Variants in FSIP1 observed in about 807,000 individuals in gnomAD.
FSIP1 encodes fibrous sheath interacting protein 1.
Under a neutral mutation model 60.9 loss-of-function variants are expected in FSIP1, and 65 were observed. The observed-to-expected ratio is 1.07, with a 90% CI of 0.87 to 1.31. FSIP1 has a LOEUF of 1.31. FSIP1 is among the 40% of genes most tolerant of loss of function. The probability of loss-of-function intolerance (pLI) is 0.00; values close to 1 mark genes in which losing one functional copy is unlikely to be tolerated. For synonymous variants in FSIP1, 209 were observed against 221.2 expected (o/e 0.94, Z 0.49); for missense variants, 675 against 665.5 (o/e 1.01, Z -0.16).
At chr15:39,706,790 T>C (rs758769286) in intron 10 of FSIP1, among the ~76,000 whole-genome samples, 8 of 152,218 alleles carry the variant, frequency 5.3e-5, no homozygotes, top group Non-Finnish European at 1.2e-4. Flanking sequence ...TTGGTATATG[T>C]ATATTGTTCC....
At chr15:39,660,882 G>A (rs1041689551) in intron 10 of FSIP1, among the ~76,000 whole-genome samples, 4 of 152,058 alleles carry the variant, frequency 2.6e-5, no homozygotes, top group African/African-American at 9.7e-5. Flanking sequence ...GGTCAAAATG[G>A]TGAAACCCCA....
At chr15:39,687,539 T>C (rs1894433043) in intron 10 of FSIP1, among the ~76,000 whole-genome samples, 1 of 152,216 alleles carries the variant, frequency 6.6e-6, no homozygotes, top group South Asian at 2.1e-4. Context: ...CTTGCAGAGT[T>C]GGTCCCTACC....
chr15:39,626,590 T>A (rs1891648627), intron 10 of FSIP1, among the ~76,000 whole-genome samples: 1 of 152,038 alleles, frequency 6.6e-6, no homozygotes, highest in Non-Finnish European at 1.5e-5. Context: ...ACAGGGGTGG[T>A]TTCCCCCATG....
chr15:39,637,322 G>A (rs566872387), intron 10 of FSIP1, among the ~76,000 whole-genome samples: 5 of 152,294 alleles, frequency 3.3e-5, no homozygotes, highest in South Asian at 2.1e-4. Context: ...TAATTGAAAC[G>A]ATGGTGGATA....
chr15:39,684,214 C>T lies in FSIP1; in HGVS notation c.1188+29230G>A, dbSNP rs113245061. On this transcript the variant is annotated intron_variant, in intron 10 of 11. Transcript: ENST00000350221. ...TAATATAAAGCAACAGCAATAAAGACAGTGTGGTATTGGCAAAGGAACAGA... is the reference window on the plus strand; with the variant it reads ...TAATATAAAGCAACAGCAATAAAGATAGTGTGGTATTGGCAAAGGAACAGA... Among the ~76,000 whole-genome samples, 1,028 of 152,220 alleles carry T rather than the reference C, an allele frequency of 6.8e-3. 12 individuals carry two copies. Among genetic ancestry groups the T allele is most frequent in the African/African-American group, 0.023 (968 of 41,536 alleles).
Position 39,617,874 on chromosome 15 carries a change from G to A in FSIP1, c.1560C>T (p.Asp520=). The part of the protein sequence containing the change: ...SKDVIISDTK[D]YFMSKTLGIG... ...TGCCAAGAGTCTTCGACATAAAATA[G>A]TCTTTTGTGTCACTAATAATAACGT... The change falls in exon 11 of 12, where the codon GAC becomes GAT. Residue 520 remains aspartate, a synonymous_variant. Transcript: ENST00000350221. 6.2e-7 allele frequency: 1 copy of A among 1,614,128 alleles called. No homozygotes were observed.
chr15:39,743,832 A>G (rs1374084486), intron 5 of FSIP1, among the ~76,000 whole-genome samples: 2 of 152,220 alleles, frequency 1.3e-5, no homozygotes, highest in African/African-American at 4.8e-5. Flanking sequence ...CCAAAAACTC[A>G]TAACCTGAAC....
chr15:39,637,742 C>A (rs979630643), intron 10 of FSIP1, among the ~76,000 whole-genome samples: 3 of 151,722 alleles, frequency 2.0e-5, no homozygotes, highest in African/African-American at 7.3e-5. Flanking sequence ...CTAAGATTCA[C>A]AAACTGGGGA....
At chr15:39,762,871 G>GT (rs1028548602) in intron 5 of FSIP1, among the ~76,000 whole-genome samples, 1 of 152,184 alleles carries the variant, frequency 6.6e-6, no homozygotes, top group Non-Finnish European at 1.5e-5. Context: ...AATGGCAGCC[G>GT]TTTGGAAACA....
chr15:39,775,116 A>G (rs923194604), intron 2 of FSIP1, among the ~76,000 whole-genome samples: 1 of 152,190 alleles, frequency 6.6e-6, no homozygotes, highest in Non-Finnish European at 1.5e-5. Flanking sequence ...CCTGAAATCA[A>G]GCTATCCTCT....
At chr15:39,683,000 A>G (rs886427460) in intron 10 of FSIP1, among the ~76,000 whole-genome samples, 2 of 152,218 alleles carry the variant, frequency 1.3e-5, no homozygotes, top group Admixed American at 1.3e-4. Context: ...AAAGGGAAAG[A>G]GAATAACAAT....
intron 2 of FSIP1, among the ~76,000 whole-genome samples, chr15:39,771,145 A>C (rs1025203348): frequency 6.6e-6 from 1 of 152,144 alleles, no homozygotes; most frequent in Non-Finnish European, 1.5e-5. Flanking sequence ...TGAAAACACC[A>C]ATTGACACAG....
chr15:39,617,688 G>T (rs763812568), intron 11 of FSIP1, 47 bp downstream of exon 11: 15 of 1,512,168 alleles, frequency 9.9e-6, no homozygotes, highest in Non-Finnish European at 1.4e-5. Context: ...TTATATTGAG[G>T]TGCTTTTAAG....
chr15:39,633,261 T>C (rs184097386), intron 10 of FSIP1, among the ~76,000 whole-genome samples: 1 of 152,222 alleles, frequency 6.6e-6, no homozygotes, highest in East Asian at 1.9e-4. Flanking sequence ...AGCTAATTTT[T>C]GTATTTTTAG....
At chr15:39,664,263 A>T (rs923678380) in intron 10 of FSIP1, among the ~76,000 whole-genome samples, 1 of 152,226 alleles carries the variant, frequency 6.6e-6, no homozygotes, top group Non-Finnish European at 1.5e-5. Context: ...CATATTTTTA[A>T]TGTCAAATTG....
chr15:39,649,204 A>G (rs1045857520), intron 10 of FSIP1, among the ~76,000 whole-genome samples: 19 of 152,232 alleles, frequency 1.2e-4, no homozygotes, highest in Non-Finnish European at 7.3e-5. Flanking sequence ...TTATTCACAT[A>G]AACTGTTTTG....
At position 39,617,653 on chromosome 15, in the gene FSIP1, G is replaced by A. The variant is rs148738046; in HGVS notation, c.1699+82C>T. ...GACTTACAAACATACCTTCTTACCC[G>A]ACTCTAATTTAAACCATAATACCTT... is the stretch of plus-strand genomic sequence containing the variant. On this transcript the variant is annotated intron_variant, in intron 11 of 11. Coordinates refer to ENST00000350221, the MANE Select transcript of FSIP1 (RefSeq NM_152597.5). 2.9e-4 allele frequency: 348 copies of A among 1,198,162 alleles called. 3 individuals carry two copies. The African/African-American group carries it at 3.2e-3, about 11-fold the overall frequency. 74.2% of individuals were successfully genotyped at this position (1,198,162 alleles called of 1,614,324 possible). A position where few individuals can be genotyped will look rare whatever the true frequency, so the allele number is the denominator to read the frequency against.
intron 10 of FSIP1, among the ~76,000 whole-genome samples, chr15:39,694,174 T>A (rs540194497): frequency 1.3e-5 from 2 of 152,280 alleles, no homozygotes; most frequent in East Asian, 3.9e-4. Context: ...GATTTATTTT[T>A]TTTTTTTGGC....
At chr15:39,750,137 T>G (rs901768269) in intron 5 of FSIP1, among the ~76,000 whole-genome samples, 2 of 151,782 alleles carry the variant, frequency 1.3e-5, no homozygotes, top group Non-Finnish European at 2.9e-5. Flanking sequence ...CTAAAAACTA[T>G]AAAACATTGG....
Sources: gnomAD v4.1 joint callset for allele counts (sites outside exome capture counted in the v4.1 genomes callset) on GRCh38, gnomAD v4.1.1 for gene constraint, MANE v1.5 for transcripts, NCBI Gene and HGNC (gene_info 2026-07-23, HGNC 2026-07-21) for gene names.